CAMKK2: variants seen among roughly 807,000 people sequenced by gnomAD.
CAMKK2 encodes calcium/calmodulin-dependent protein kinase kinase 2.
CAMKK2 carries 30 observed loss-of-function variants against 67.2 expected under a neutral mutation model. The observed-to-expected ratio is 0.45, with a 90% CI of 0.33 to 0.61. CAMKK2 has a LOEUF of 0.61. CAMKK2 is among the 20% of genes least tolerant of loss of function. The probability of loss-of-function intolerance (pLI) is 0.02; values close to 1 mark genes in which losing one functional copy is unlikely to be tolerated. For missense variants in CAMKK2, 643 were observed against 802.0 expected (o/e 0.80, Z 2.39); for synonymous variants, 322 against 326.2 (o/e 0.99, Z 0.14).
intron 1 of CAMKK2, among the ~76,000 whole-genome samples, chr12:121,289,107 G>A (rs907904509): frequency 5.3e-5 from 8 of 152,056 alleles, no homozygotes; most frequent in African/African-American, 1.9e-4. Flanking sequence ...CTGGGTGAAG[G>A]GTCGAGCCTG....
intron 1 of CAMKK2, among the ~76,000 whole-genome samples, chr12:121,295,297 G>C (rs1206291453): frequency 6.6e-6 from 1 of 152,136 alleles, no homozygotes; most frequent in Non-Finnish European, 1.5e-5. Flanking sequence ...GGAAGGGTGT[G>C]TGTCACCAAT....
chr12:121,264,052 T>C, intron 5 of CAMKK2, 113 bp from the exon 6 acceptor site: 2 of 1,015,078 alleles, frequency 2.0e-6, no homozygotes, highest in Non-Finnish European at 2.7e-6. Context: ...TCTGCAGGGC[T>C]GGAGTGGCTG....
At chr12:121,257,320 C>T (rs1026518450) in intron 7 of CAMKK2, among the ~76,000 whole-genome samples, 7 of 150,710 alleles carry the variant, frequency 4.6e-5, no homozygotes, top group African/African-American at 1.5e-4. Flanking sequence ...GATCTTGGCT[C>T]ACTGCAACCT....
chr12:121,251,331 G>A (rs927628463), intron 11 of CAMKK2, among the ~76,000 whole-genome samples: 1 of 152,182 alleles, frequency 6.6e-6, no homozygotes, highest in Non-Finnish European at 1.5e-5. Flanking sequence ...GGGTATGTGG[G>A]TGTTCACTGG....
intron 1 of CAMKK2, among the ~76,000 whole-genome samples, chr12:121,290,303 A>C (rs1349491600): frequency 3.3e-5 from 5 of 152,330 alleles, no homozygotes; most frequent in South Asian, 4.1e-4. Flanking sequence ...CCGTGGCACT[A>C]TCTCTCTGCT....
intron 6 of CAMKK2, among the ~76,000 whole-genome samples, chr12:121,261,382 G>C (rs10161241): frequency 0.021 from 3,207 of 152,272 alleles, 102 homozygotes; most frequent in African/African-American, 0.073. Context: ...AGTGAGTCGA[G>C]ATTGTGTCAC....
intron 5 of CAMKK2, among the ~76,000 whole-genome samples, chr12:121,264,297 T>C (rs1566083017): frequency 6.6e-6 from 1 of 152,170 alleles, no homozygotes; most frequent in Non-Finnish European, 1.5e-5. Context: ...GTTTTTGCAG[T>C]CCATAAAATG....
chr12:121,258,891 G>A (rs180783615), intron 7 of CAMKK2, among the ~76,000 whole-genome samples: 2 of 147,864 alleles, frequency 1.4e-5, no homozygotes, highest in Non-Finnish European at 3.0e-5. Flanking sequence ...TGCCCAGGCT[G>A]GAATGCAGTG....
chr12:121,262,830 G>T (rs1253837862), intron 6 of CAMKK2, among the ~76,000 whole-genome samples: 2 of 152,126 alleles, frequency 1.3e-5, no homozygotes, highest in African/African-American at 4.8e-5. Flanking sequence ...AAAGTGCTGG[G>T]ATTATAGGCG....
chr12:121,284,334 C>T (rs1898328084), intron 1 of CAMKK2, among the ~76,000 whole-genome samples: 1 of 152,086 alleles, frequency 6.6e-6, no homozygotes, highest in African/African-American at 2.4e-5. Flanking sequence ...TATTTATTTA[C>T]TTATTTTTGA....
intron 1 of CAMKK2, among the ~76,000 whole-genome samples, chr12:121,288,295 C>T (rs1313933031): frequency 6.6e-6 from 1 of 152,322 alleles, no homozygotes; most frequent in East Asian, 1.9e-4. Context: ...AACCCACAGG[C>T]ATCGGTGCCT....
intron 1 of CAMKK2, among the ~76,000 whole-genome samples, chr12:121,277,190 C>T (rs1896981021): frequency 6.6e-6 from 1 of 152,150 alleles, no homozygotes; most frequent in Admixed American, 6.5e-5. Flanking sequence ...ACCCAACGCC[C>T]CAGCCCTGAC....
intron 6 of CAMKK2, among the ~76,000 whole-genome samples, chr12:121,261,334 G>A (rs1593361481): frequency 1.3e-5 from 2 of 152,168 alleles, no homozygotes; most frequent in Non-Finnish European, 2.9e-5. Context: ...CTAACCAAAT[G>A]CCCTTGGGCT....
chr12:121,288,698 A>G (rs903984677), intron 1 of CAMKK2, among the ~76,000 whole-genome samples: 1 of 152,114 alleles, frequency 6.6e-6, no homozygotes, highest in Non-Finnish European at 1.5e-5. Context: ...CCACGTGGGC[A>G]GAGGGGCAAC....
At chr12:121,260,050 G>C (rs373832763) in intron 7 of CAMKK2, among the ~76,000 whole-genome samples, 1 of 152,194 alleles carries the variant, frequency 6.6e-6, no homozygotes, top group African/African-American at 2.4e-5. Flanking sequence ...CCACTGAACT[G>C]TAAGCCTGGG....
chr12:121,287,563 T>C (rs1009537287), intron 1 of CAMKK2, among the ~76,000 whole-genome samples: 5 of 152,158 alleles, frequency 3.3e-5, no homozygotes, highest in Non-Finnish European at 7.4e-5. Flanking sequence ...AGTTCCCCTG[T>C]CTTGCTGCTT....
intron 1 of CAMKK2, among the ~76,000 whole-genome samples, chr12:121,290,806 T>A (rs1409495437): frequency 1.3e-5 from 2 of 152,122 alleles, no homozygotes; most frequent in Non-Finnish European, 2.9e-5. Context: ...GGGTTTGTTT[T>A]GTTGTTATTG....
intron 5 of CAMKK2, among the ~76,000 whole-genome samples, chr12:121,265,735 G>A (rs1894398692): frequency 2.0e-5 from 3 of 152,072 alleles, no homozygotes. Context: ...GTGCACGCCT[G>A]TAGCCCCAGC....
rs146866715 is a variant in CAMKK2 at position 121,262,849 on chromosome 12, C to T, written c.759+957G>A. ...TGCTGGGATTATAGGCGTGAGCCAT[C>T]GTGCCCAGCCTATTGTTTTTAAATA... On this transcript the variant is annotated intron_variant, in intron 6 of 16. Transcript: ENST00000404169. 1.7e-3 allele frequency among the ~76,000 whole-genome samples: 257 copies of T among 152,208 alleles called. 2 individuals are homozygous for T. Among genetic ancestry groups the T allele is most frequent in the African/African-American group, 5.8e-3 (239 of 41,550 alleles).
Sources: allele counts gnomAD v4.1 joint callset (sites outside exome capture counted in the v4.1 genomes callset), GRCh38; gene constraint gnomAD v4.1.1; transcripts MANE v1.5; gene names NCBI Gene and HGNC (gene_info 2026-07-23, HGNC 2026-07-21).